The following EIF4G3 variants were observed in gnomAD, a reference collection of about 807,000 sequenced individuals.
EIF4G3 encodes eIF-4-gamma 3.
In EIF4G3, 34 loss-of-function variants were observed where a neutral mutation model predicts 186.4. The ratio of observed to expected loss-of-function variants is 0.18; its 90% confidence interval spans 0.14 to 0.24. EIF4G3 has a LOEUF of 0.24. EIF4G3 is among the 10% of genes least tolerant of loss of function. The probability of loss-of-function intolerance (pLI) is 1.00; values close to 1 mark genes in which losing one functional copy is unlikely to be tolerated. For synonymous variants in EIF4G3, 673 were observed against 679.5 expected (o/e 0.99, Z 0.15); for missense variants, 1,536 against 1,948.5 (o/e 0.79, Z 3.99).
chr1:20,996,903 G>A (rs1468380649), intron 7 of EIF4G3, among the ~76,000 whole-genome samples: 2 of 152,154 alleles, frequency 1.3e-5, no homozygotes, highest in Non-Finnish European at 2.9e-5. Flanking sequence ...GGGTTGGAGG[G>A]AGAACCCTGC....
At chr1:20,911,496 A>G (rs2093190999) in intron 14 of EIF4G3, among the ~76,000 whole-genome samples, 1 of 127,646 alleles carries the variant, frequency 7.8e-6, no homozygotes, top group Non-Finnish European at 1.6e-5. Context: ...CAGGAGTTGG[A>G]GTTGCAGGGA....
At chr1:20,911,160 G>C (rs1399744641) in intron 14 of EIF4G3, among the ~76,000 whole-genome samples, 1 of 152,090 alleles carries the variant, frequency 6.6e-6, no homozygotes, top group Non-Finnish European at 1.5e-5. Context: ...ACAATTTTGT[G>C]TATGATTCTG....
chr1:20,958,225 G>A (rs894929202), intron 12 of EIF4G3, among the ~76,000 whole-genome samples: 9 of 152,068 alleles, frequency 5.9e-5, no homozygotes, highest in African/African-American at 2.2e-4. Context: ...TTATTTCAAG[G>A]ATGCAGAGAT....
At chr1:20,838,563 T>C (rs2067447626) in intron 30 of EIF4G3, among the ~76,000 whole-genome samples, 1 of 152,208 alleles carries the variant, frequency 6.6e-6, no homozygotes, top group Non-Finnish European at 1.5e-5. Context: ...GCTTCTCTTT[T>C]AAAACTGGGA....
chr1:20,868,085 A>ATTTTTTTTTTTT (rs1553236764), intron 20 of EIF4G3, among the ~76,000 whole-genome samples: 1 of 14,688 alleles, frequency 6.8e-5, no homozygotes, highest in African/African-American at 1.4e-4. Context: ...ATTCATGGTG[A>ATTTTTTTTTTTT]TTTTCTTTTT....
chr1:21,055,995 T>C (rs1238579437), intron 3 of EIF4G3, among the ~76,000 whole-genome samples: 3 of 152,166 alleles, frequency 2.0e-5, no homozygotes, highest in Non-Finnish European at 2.9e-5. Flanking sequence ...AAAACTATTA[T>C]ATTGCCCCAT....
chr1:20,999,775 C>G, intron 6 of EIF4G3: 1 of 440,694 alleles, frequency 2.3e-6, no homozygotes, highest in Non-Finnish European at 4.5e-6. Flanking sequence ...CTATGGGTAG[C>G]TGTAAGCAAC....
At chr1:20,814,201 C>T (rs1169707983) in intron 34 of EIF4G3, among the ~76,000 whole-genome samples, 3 of 151,900 alleles carry the variant, frequency 2.0e-5, no homozygotes, top group Non-Finnish European at 2.9e-5. Flanking sequence ...ACTCTGACCT[C>T]GTGATCTGCC....
At chr1:20,833,329 C>A (rs1018902879) in intron 30 of EIF4G3, among the ~76,000 whole-genome samples, 2 of 152,070 alleles carry the variant, frequency 1.3e-5, no homozygotes, top group Admixed American at 1.3e-4. Flanking sequence ...TCCTTCAAGT[C>A]CCTTGTAAGT....
intron 26 of EIF4G3, among the ~76,000 whole-genome samples, chr1:20,854,264 C>T (rs17449436): frequency 0.028 from 4,253 of 152,120 alleles, 92 homozygotes; most frequent in Middle Eastern, 0.051. Context: ...TCTTTTACAG[C>T]TCCCTAAAAT....
intron 4 of EIF4G3, among the ~76,000 whole-genome samples, chr1:21,019,446 T>C (rs962841650): frequency 1.3e-5 from 2 of 152,232 alleles, no homozygotes; most frequent in African/African-American, 4.8e-5. Flanking sequence ...TAGACAGCTA[T>C]ATAAAACCAT....
chr1:20,941,182 T>C (rs1242587600), intron 14 of EIF4G3: 9 of 1,477,506 alleles, frequency 6.1e-6, no homozygotes, highest in South Asian at 1.4e-5. Flanking sequence ...AAATTAAGCA[T>C]TGAGAAACCA....
chr1:21,165,198 C>A (rs1405314778), intron 2 of EIF4G3, among the ~76,000 whole-genome samples: 7 of 152,158 alleles, frequency 4.6e-5, no homozygotes, highest in Non-Finnish European at 8.8e-5. Context: ...GGCAAGGATG[C>A]AGAAAAACTG....
At chr1:20,949,118 G>A (rs1390162962) in intron 13 of EIF4G3, among the ~76,000 whole-genome samples, 1 of 151,772 alleles carries the variant, frequency 6.6e-6, no homozygotes, top group Non-Finnish European at 1.5e-5. Context: ...ATCATTTTTA[G>A]AAATCTGAAA....
At chr1:20,820,726 A>G (rs547103984) in intron 33 of EIF4G3, among the ~76,000 whole-genome samples, 89 of 152,296 alleles carry the variant, frequency 5.8e-4, no homozygotes, top group Non-Finnish European at 1.0e-3. Context: ...AGATGGGCAG[A>G]GGACAAAGAG....
At chr1:21,152,989 T>C (rs1033628910) in intron 2 of EIF4G3, among the ~76,000 whole-genome samples, 1 of 152,228 alleles carries the variant, frequency 6.6e-6, no homozygotes, top group Admixed American at 6.5e-5. Context: ...CAAAGGAATA[T>C]GCTGTTTCCA....
intron 14 of EIF4G3, among the ~76,000 whole-genome samples, chr1:20,906,534 C>T (rs1318059531): frequency 6.6e-6 from 1 of 152,038 alleles, no homozygotes; most frequent in Admixed American, 6.6e-5. Flanking sequence ...TCAAAAGGAA[C>T]TTCCTCTAAA....
In EIF4G3 at chr1:20,862,534, T is replaced by C. The variant is rs567082777; in HGVS notation, c.3007-202A>G. Among the ~76,000 whole-genome samples the C allele has an allele frequency of 1.5e-4, 23 of 152,212 alleles. 1 individual carries two copies. The South Asian group carries it at 4.8e-3, about 32-fold the overall frequency. On this transcript the variant is annotated intron_variant, in intron 22 of 36. Transcript: ENST00000602326. ...AGGCTCAACCGATCCCACCTCAGCC[T>C]CTCGAGTAGCTGGGACTACAGGCAC...
chr1:20,980,484 A>G, intron 9 of EIF4G3, 36 bp from the exon 10 acceptor site: 1 of 1,403,610 alleles, frequency 7.1e-7, no homozygotes, highest in Non-Finnish European at 9.6e-7. Flanking sequence ...TATAAATAAT[A>G]TGGTATCTGG....
Sources: allele counts gnomAD v4.1 joint callset (sites outside exome capture counted in the v4.1 genomes callset), GRCh38; gene constraint gnomAD v4.1.1; transcripts MANE v1.5; gene names NCBI Gene and HGNC (gene_info 2026-07-23, HGNC 2026-07-21).